TNIK: variants seen among roughly 807,000 people sequenced by gnomAD.
TNIK encodes TRAF2 and NCK-interacting protein kinase.
TNIK carries 49 observed loss-of-function variants against 191.3 expected under a neutral mutation model. The observed-to-expected ratio is 0.26, with a 90% CI of 0.20 to 0.32. TNIK has a LOEUF of 0.32. TNIK is among the 10% of genes least tolerant of loss of function. The pLI, the probability that TNIK is intolerant of heterozygous loss-of-function variation, is 1.00. For missense variants in TNIK, 1,155 were observed against 1,702.3 expected (o/e 0.68, Z 5.66); for synonymous variants, 594 against 600.9 (o/e 0.99, Z 0.17).
At chr3:171,160,488 T>C (rs1288648368) in intron 11 of TNIK, among the ~76,000 whole-genome samples, 4 of 151,528 alleles carry the variant, frequency 2.6e-5, no homozygotes, top group Non-Finnish European at 5.9e-5. Flanking sequence ...ATGAGTCTTC[T>C]GCTTGTGCAA....
intron 12 of TNIK, among the ~76,000 whole-genome samples, chr3:171,151,669 C>T (rs1350067800): frequency 1.3e-5 from 2 of 152,204 alleles, no homozygotes; most frequent in East Asian, 1.9e-4. Flanking sequence ...TGGGATTTGA[C>T]CCCTGGCAGT....
At chr3:171,445,124 G>C (rs1341811647) in intron 1 of TNIK, among the ~76,000 whole-genome samples, 4 of 152,028 alleles carry the variant, frequency 2.6e-5, no homozygotes, top group African/African-American at 9.7e-5. Context: ...CATCCTAAGA[G>C]TTTCTGATTC....
chr3:171,241,950 G>A (rs919305145), intron 2 of TNIK, among the ~76,000 whole-genome samples: 1 of 151,674 alleles, frequency 6.6e-6, no homozygotes, highest in Admixed American at 6.6e-5. Context: ...TCTCACTCAG[G>A]TGGGAATTGA....
At chr3:171,084,017 G>T (rs1019358129) in intron 26 of TNIK, 138 bp downstream of exon 26, 3 of 1,171,374 alleles carry the variant, frequency 2.6e-6, no homozygotes, top group African/African-American at 1.6e-5. Context: ...GGTCAAGATA[G>T]TCCCAAGTTA....
chr3:171,195,889 A>C (rs1738622641), intron 4 of TNIK, among the ~76,000 whole-genome samples: 1 of 152,202 alleles, frequency 6.6e-6, no homozygotes, highest in Non-Finnish European at 1.5e-5. Context: ...ATAGCCCAGA[A>C]ACTATCAAAG....
At chr3:171,109,287 G>C (rs578092287) in intron 19 of TNIK, among the ~76,000 whole-genome samples, 1 of 152,132 alleles carries the variant, frequency 6.6e-6, no homozygotes, top group South Asian at 2.1e-4. Context: ...TCGGCCTTCC[G>C]GGTACCTAGG....
intron 2 of TNIK, among the ~76,000 whole-genome samples, chr3:171,334,402 G>A (rs148505079): frequency 1.3e-5 from 2 of 152,244 alleles, no homozygotes; most frequent in East Asian, 3.9e-4. Flanking sequence ...GGAGGAGAAT[G>A]ACAGAGAAGA....
chr3:171,316,756 C>T (rs1440412628), intron 2 of TNIK, among the ~76,000 whole-genome samples: 1 of 151,928 alleles, frequency 6.6e-6, no homozygotes, highest in Non-Finnish European at 1.5e-5. Context: ...ATACATTGAT[C>T]TTTTGTGTCC....
chr3:171,087,439 G>A lies in TNIK; in HGVS notation c.2789C>T (p.Pro930Leu). The change falls in exon 24 of 33, where the codon CCT becomes CTT. Residue 930 changes from proline (P) to leucine (L), a missense_variant. Physicochemically the swap from Pro to Leu is moderately conservative, Grantham distance 98. Coordinates refer to ENST00000436636, the MANE Select transcript of TNIK (RefSeq NM_015028.4). ...SNGFAGHINL[P>L]DLVQQSHSPA... ...AGAATGGCTCTGCTGCACCAGGTCA[G>A]GGAGGTTGATGTGGCCAGCAAAGCC... 1 of 1,613,960 alleles carries A rather than the reference G, an allele frequency of 6.2e-7. No individual in the cohort carries two copies. The highest frequency in any genetic ancestry group is 1.7e-5 in the Admixed American group (1 of 60,018).
chr3:171,333,310 C>A (rs536085929), intron 2 of TNIK, among the ~76,000 whole-genome samples: 2 of 152,140 alleles, frequency 1.3e-5, no homozygotes, highest in African/African-American at 4.8e-5. Flanking sequence ...AATCCCAGCA[C>A]TTTGGTAGGC....
At chr3:171,450,243 C>T (rs1462898786) in intron 1 of TNIK, among the ~76,000 whole-genome samples, 1 of 152,218 alleles carries the variant, frequency 6.6e-6, no homozygotes, top group African/African-American at 2.4e-5. Flanking sequence ...TGAAGCATTG[C>T]TACTTATCTA....
chr3:171,442,598 T>C (rs940728494), intron 1 of TNIK, among the ~76,000 whole-genome samples: 4 of 152,186 alleles, frequency 2.6e-5, no homozygotes, highest in African/African-American at 9.7e-5. Context: ...TACGATTTCC[T>C]CTCTTCATAG....
intron 1 of TNIK, among the ~76,000 whole-genome samples, chr3:171,372,818 C>T (rs1716702529): frequency 6.6e-6 from 1 of 152,154 alleles, no homozygotes; most frequent in African/African-American, 2.4e-5. Flanking sequence ...ACTACAAGCA[C>T]CATGGCTAGA....
intron 18 of TNIK, among the ~76,000 whole-genome samples, chr3:171,115,274 T>C (rs1726498822): frequency 6.6e-6 from 1 of 152,256 alleles, no homozygotes; most frequent in Non-Finnish European, 1.5e-5. Flanking sequence ...CTTGTTCTAA[T>C]GTAGCACTCC....
intron 30 of TNIK, among the ~76,000 whole-genome samples, chr3:171,067,690 AAT>A (rs1403414523): frequency 6.6e-6 from 1 of 150,688 alleles, no homozygotes; most frequent in African/African-American, 2.4e-5. Context: ...AAAAAAAAAA[AAT>A]CACTATTGAA....
At chr3:171,113,608 T>C (rs1309134382) in intron 18 of TNIK, among the ~76,000 whole-genome samples, 1 of 148,090 alleles carries the variant, frequency 6.8e-6, no homozygotes, top group Non-Finnish European at 1.5e-5. Context: ...TCTGTCTGTC[T>C]CGAAAAAAAA....
chr3:171,424,956 A>G (rs904248117), intron 1 of TNIK, among the ~76,000 whole-genome samples: 1 of 145,658 alleles, frequency 6.9e-6, no homozygotes, highest in African/African-American at 2.6e-5. Context: ...CACGTTGTGC[A>G]CATGTACCCT....
At chr3:171,318,170 A>G (rs1295831774) in intron 2 of TNIK, among the ~76,000 whole-genome samples, 1 of 152,152 alleles carries the variant, frequency 6.6e-6, no homozygotes, top group East Asian at 1.9e-4. Context: ...TTTAGCCTGA[A>G]CCTGGCCTAT....
rs9876216 is a variant in TNIK, at chr3:171,216,734, G to T, written c.181-5493C>A. On this transcript the variant is annotated intron_variant, in intron 3 of 32. Transcript: ENST00000436636. The stretch of plus-strand genomic sequence containing the variant: ...TCACCTAAAATTATCTCAGGGTCAA[G>T]TTATGCAGCTTTGGGTCTGTTTCCT... 7.1e-3 allele frequency among the ~76,000 whole-genome samples: 1,082 copies of T among 152,230 alleles called. 13 individuals carry two copies. Among genetic ancestry groups the T allele is most frequent in the African/African-American group, 0.023 (963 of 41,556 alleles).
Sources: gnomAD v4.1 joint callset for allele counts (sites outside exome capture counted in the v4.1 genomes callset) on GRCh38, gnomAD v4.1.1 for gene constraint, MANE v1.5 for transcripts, NCBI Gene and HGNC (gene_info 2026-07-23, HGNC 2026-07-21) for gene names.